The following DMD variants were observed in gnomAD, a reference collection of about 807,000 sequenced individuals.
DMD encodes dystrophin, also known as mutant dystrophin.
Under a neutral mutation model 330.1 loss-of-function variants are expected in DMD, and 63 were observed. That is an observed-to-expected ratio of 0.19 (90% CI 0.16 to 0.24). DMD has a LOEUF of 0.24. Ranked by LOEUF, DMD falls within the 10% of genes least tolerant of loss-of-function variation. The pLI is 1.00. For missense variants in DMD, 3,344 were observed against 2,684.1 expected (o/e 1.25, Z -5.43); for synonymous variants, 1,223 against 959.8 (o/e 1.27, Z -5.07).
chrX:32,284,000 G>A, intron 43 of DMD, among the ~76,000 whole-genome samples: 1 of 111,168 alleles, frequency 9.0e-6, no homozygotes, highest in African/African-American at 3.3e-5. Flanking sequence ...CCAGTGCAAT[G>A]GTGCTCCTGG....
At chrX:32,885,893 G>C (rs1169714996) in intron 2 of DMD, among the ~76,000 whole-genome samples, 1 of 98,328 alleles carries the variant, frequency 1.0e-5, no homozygotes, top group Non-Finnish European at 2.0e-5. Flanking sequence ...CTCACCCCTT[G>C]TCTCTCCAAA....
chrX:32,831,845 G>A (rs754057336), intron 4 of DMD, among the ~76,000 whole-genome samples: 1 of 110,935 alleles, frequency 9.0e-6, no homozygotes, highest in East Asian at 2.8e-4. Flanking sequence ...AGCATTTGCG[G>A]TTTTAACTTG....
rs774226409 is a variant in DMD at position 32,730,262 on chromosome X, C to T, written c.650-30969G>A. Among the ~76,000 whole-genome samples, 4 of 112,403 alleles carry T rather than the reference C, an allele frequency of 3.6e-5. No homozygotes were observed. In the South Asian group the frequency reaches 1.5e-3, roughly 42 times the overall value. On this transcript the variant is annotated intron_variant, in intron 7 of 78. Coordinates refer to ENST00000357033, the MANE Select transcript of DMD (RefSeq NM_004006.3). ...TCAGGAGGCTGAGCTAGAAGGATCA[C>T]TTGACTCAGGAGTTGGAGGCCTGTG...
intron 44 of DMD, among the ~76,000 whole-genome samples, chrX:32,121,793 A>G (rs2096637792): frequency 9.4e-6 from 1 of 105,846 alleles, no homozygotes; most frequent in Non-Finnish European, 1.9e-5. Context: ...GGAAAAGCAA[A>G]CAGGAGAAAA....
intron 76 of DMD, among the ~76,000 whole-genome samples, chrX:31,141,957 C>T (rs916975575): frequency 4.5e-5 from 5 of 110,964 alleles, no homozygotes; most frequent in African/African-American, 1.3e-4. Context: ...ACATTTAACC[C>T]GAACCCAATC....
At chrX:33,045,353 G>T (rs1380082485) in intron 1 of DMD, among the ~76,000 whole-genome samples, 2 of 44,160 alleles carry the variant, frequency 4.5e-5, no homozygotes, top group Non-Finnish European at 1.0e-4. Flanking sequence ...TATTTCGTGA[G>T]ATTGTAACCA....
intron 1 of DMD, among the ~76,000 whole-genome samples, chrX:33,083,152 G>A (rs919509038): frequency 8.9e-6 from 1 of 111,784 alleles, no homozygotes. Context: ...CCAGAAGAAC[G>A]GAGTGGCGTC....
chrX:31,507,938 C>T (rs886908111), intron 55 of DMD, among the ~76,000 whole-genome samples: 2 of 111,839 alleles, frequency 1.8e-5, no homozygotes, highest in African/African-American at 6.5e-5. Flanking sequence ...TTGCACTTGG[C>T]CCACAGCACC....
intron 64 of DMD, among the ~76,000 whole-genome samples, chrX:31,212,954 A>G (rs767000892): frequency 3.6e-5 from 4 of 112,663 alleles, no homozygotes; most frequent in Non-Finnish European, 3.8e-5. Flanking sequence ...AGTTCATCCT[A>G]TAGGTCAATC....
chrX:32,760,780 T>A (rs1005390023), intron 7 of DMD, among the ~76,000 whole-genome samples: 10 of 112,099 alleles, frequency 8.9e-5, no homozygotes, highest in African/African-American at 2.6e-4. Context: ...ATGTCTTTAA[T>A]GCATACCTTT....
At chrX:32,867,193 A>T (rs1193833894) in intron 2 of DMD, among the ~76,000 whole-genome samples, 3 of 109,705 alleles carry the variant, frequency 2.7e-5, no homozygotes, top group Non-Finnish European at 5.7e-5. Context: ...AGTTGACTTT[A>T]TTTTTCTCCC....
intron 55 of DMD, among the ~76,000 whole-genome samples, chrX:31,615,949 T>A (rs1266080312): frequency 8.9e-6 from 1 of 112,157 alleles, no homozygotes; most frequent in Non-Finnish European, 1.9e-5. Context: ...GCTTACCGTG[T>A]GCCAGAAACT....
intron 20 of DMD, among the ~76,000 whole-genome samples, chrX:32,489,167 A>G (rs1429648489): frequency 9.0e-6 from 1 of 111,294 alleles, no homozygotes; most frequent in Non-Finnish European, 1.9e-5. Flanking sequence ...CCGTAAATAC[A>G]ATAAAAGCAG....
chrX:32,293,325 G>C (rs951757782), intron 42 of DMD, among the ~76,000 whole-genome samples: 1 of 112,029 alleles, frequency 8.9e-6, no homozygotes, highest in Non-Finnish European at 1.9e-5. Context: ...AGAGTGAGAA[G>C]AAAGGTAGCA....
intron 1 of DMD, among the ~76,000 whole-genome samples, chrX:33,188,307 C>G (rs181321355): frequency 4.0e-4 from 44 of 110,316 alleles, no homozygotes; most frequent in African/African-American, 1.4e-3. Flanking sequence ...AATCATCAGT[C>G]TTCTCAATGC....
At chrX:32,238,444 T>TGA (rs200601285) in intron 43 of DMD, among the ~76,000 whole-genome samples, 5,737 of 98,882 alleles carry the variant, frequency 0.058, 285 homozygotes, top group African/African-American at 0.15. Context: ...AAGCAATGCA[T>TGA]GAGAGAGAGA....
intron 51 of DMD, among the ~76,000 whole-genome samples, chrX:31,766,327 C>T (rs771019290): frequency 1.4e-3 from 160 of 110,414 alleles, no homozygotes; most frequent in African/African-American, 4.9e-3. Context: ...GGTGTGATCT[C>T]GGCTCACTGC....
intron 60 of DMD, chrX:31,435,620 C>T (rs1005841356): frequency 1.8e-5 from 2 of 111,879 alleles, no homozygotes; most frequent in African/African-American, 3.2e-5. Context: ...GGCTTTAACA[C>T]GCAGCTTCTC....
intron 50 of DMD, among the ~76,000 whole-genome samples, chrX:31,797,724 T>A (rs2091892209): frequency 9.0e-6 from 1 of 111,650 alleles, no homozygotes; most frequent in Admixed American, 9.6e-5. Context: ...GGTAGATAAA[T>A]ATATTAAGGA....
Sources: gnomAD v4.1 joint callset for allele counts (sites outside exome capture counted in the v4.1 genomes callset) on GRCh38, gnomAD v4.1.1 for gene constraint, MANE v1.5 for transcripts, NCBI Gene and HGNC (gene_info 2026-07-23, HGNC 2026-07-21) for gene names.